Variants in PRPF18 observed in about 807,000 individuals in gnomAD.
The protein encoded by PRPF18 is pre-mRNA-splicing factor 18.
Under a neutral mutation model 46.5 loss-of-function variants are expected in PRPF18, and 38 were observed. That is an observed-to-expected ratio of 0.82 (90% CI 0.63 to 1.07). The LOEUF is 1.07. PRPF18 is among the 50% of genes least tolerant of loss of function. The pLI, the probability that PRPF18 is intolerant of heterozygous loss-of-function variation, is 0.00. For missense variants in PRPF18, 263 were observed against 410.0 expected, an observed-to-expected ratio of 0.64 and a Z score of 3.10; for synonymous variants, 152 against 146.7, an observed-to-expected ratio of 1.04 and a Z score of -0.26.
chr10:13,591,928 GT>G (rs79929794), intron 1 of PRPF18: 141,822 of 925,148 alleles, frequency 0.15, 48 homozygotes, highest in South Asian at 0.21. Flanking sequence ...TCAACTGAGG[GT>G]TTTTTTTTTT....
chr10:13,646,337 A>ATCTT, the PRPF18 span: 1 of 152,546 alleles, frequency 6.6e-6, no homozygotes, highest in Non-Finnish European at 1.5e-5. Flanking sequence ...TTTATTTTTA[A>ATCTT]TCTTTGGCAG....
intron 6 of PRPF18, among the ~76,000 whole-genome samples, chr10:13,612,199 T>A (rs1252042491): frequency 6.6e-6 from 1 of 152,074 alleles, no homozygotes; most frequent in Non-Finnish European, 1.5e-5. Context: ...TGTGGCATAT[T>A]TTTTAAAGCT....
the PRPF18 span, chr10:13,642,852 C>T: frequency 1.3e-5 from 2 of 152,186 alleles, no homozygotes; most frequent in African/African-American, 4.8e-5. Flanking sequence ...TTGATGGGCT[C>T]ACTTCCAGAT....
chr10:13,628,644 A>T (rs2080546614), intron 9 of PRPF18, among the ~76,000 whole-genome samples: 1 of 152,014 alleles, frequency 6.6e-6, no homozygotes, highest in Non-Finnish European at 1.5e-5. Context: ...GACTGTGATT[A>T]ATATTTGTGT....
intron 4 of PRPF18, among the ~76,000 whole-genome samples, chr10:13,608,720 T>C (rs1589127643): frequency 6.6e-6 from 1 of 152,246 alleles, no homozygotes; most frequent in South Asian, 2.1e-4. Flanking sequence ...ATTAGAGTTA[T>C]GTGCATATTT....
At chr10:13,598,862 T>C (rs1003961042) in intron 2 of PRPF18, among the ~76,000 whole-genome samples, 2 of 152,190 alleles carry the variant, frequency 1.3e-5, no homozygotes, top group Non-Finnish European at 1.5e-5. Context: ...CCTTTTCAAC[T>C]ATTTGATAAG....
intron 9 of PRPF18, among the ~76,000 whole-genome samples, chr10:13,628,530 ATATT>A (rs1255205420): frequency 6.6e-6 from 1 of 152,092 alleles, no homozygotes; most frequent in Non-Finnish European, 1.5e-5. Flanking sequence ...TTATTATATG[ATATT>A]TATTTGTATT....
the PRPF18 span, chr10:13,654,484 C>G: frequency 6.2e-6 from 10 of 1,613,716 alleles, no homozygotes; most frequent in Non-Finnish European, 8.5e-6. Flanking sequence ...TTGACGGTGT[C>G]GAGCTTCTCT....
At chr10:13,596,036 G>T (rs117884960) in intron 1 of PRPF18, among the ~76,000 whole-genome samples, 8 of 152,110 alleles carry the variant, frequency 5.3e-5, no homozygotes, top group Non-Finnish European at 1.2e-4. Flanking sequence ...ATTAAAATAT[G>T]TACATACATT....
intron 4 of PRPF18, among the ~76,000 whole-genome samples, 154 bp downstream of exon 4, chr10:13,605,898 C>T (rs2080177060): frequency 1.3e-5 from 2 of 152,124 alleles, no homozygotes; most frequent in African/African-American, 2.4e-5. Flanking sequence ...TTGAAAAGCT[C>T]ATATCTTAAG....
At position 13,630,387 on chromosome 10, in the gene PRPF18, G is replaced by C. The variant is rs772577554; in HGVS notation, c.*47G>C. On this transcript the variant is annotated 3_prime_UTR_variant, in exon 10 of 10. Coordinates refer to ENST00000378572, the MANE Select transcript of PRPF18 (RefSeq NM_003675.4). ...TAACAATAAGAAACTTAGGGAAGCA[G>C]GCTGTGGACTTCTGGAATTACCAAC... is the stretch of plus-strand genomic sequence containing the variant. The C allele has an allele frequency of 7.2e-5, 105 of 1,461,596 alleles. 1 individual carries two copies. The Admixed American group carries it at 1.8e-3, about 25-fold the overall frequency. The allele number at this position is 1,461,596 out of a possible 1,614,324, so 90.5% of individuals were successfully genotyped here.
chr10:13,611,739 A>G (rs2080271863), intron 6 of PRPF18, 56 bp downstream of exon 6: 3 of 1,491,830 alleles, frequency 2.0e-6, no homozygotes, highest in African/African-American at 1.4e-5. Context: ...AACTATTCTT[A>G]TATTTTTGGA....
the PRPF18 span, chr10:13,645,928 A>G: frequency 6.6e-6 from 1 of 152,660 alleles, no homozygotes; most frequent in Non-Finnish European, 1.5e-5. Flanking sequence ...GGTTGGTTTA[A>G]TGAGAGAGAA....
chr10:13,629,776 ATT>A (rs2080567804), intron 9 of PRPF18, among the ~76,000 whole-genome samples: 1 of 152,160 alleles, frequency 6.6e-6, no homozygotes. Flanking sequence ...ATTGGAGTGT[ATT>A]TTCTCAGTCC....
rs751734381 is a variant in PRPF18, at chr10:13,616,433, T to C, written c.828T>C (p.Asn276=). ...CTTATCTTCAGATGGCCATTGGAAA[T>C]GCGCCTTGGCCCATCGGTGTCACTA... is the stretch of plus-strand genomic sequence containing the variant. The part of the protein sequence containing the change: ...NDAYLQMAIG[N]APWPIGVTMV... The change falls in exon 9 of 10, where the codon AAT becomes AAC. Residue 276 remains asparagine (N), a synonymous_variant. Coordinates refer to ENST00000378572, the MANE Select transcript of PRPF18 (RefSeq NM_003675.4). 3.7e-6 allele frequency: 6 copies of C among 1,612,096 alleles called. No homozygotes were observed. Among genetic ancestry groups the C allele is most frequent in the Non-Finnish European group, 5.1e-6 (6 of 1,178,892 alleles).
intron 9 of PRPF18, 115 bp from the exon 10 acceptor site, chr10:13,630,145 T>C: frequency 1.2e-6 from 1 of 818,012 alleles, no homozygotes; most frequent in Non-Finnish European, 2.0e-6. Context: ...GTGAATTTGC[T>C]TGGGTCTGCT....
chr10:13,641,579 G>A, the PRPF18 span: 1 of 152,252 alleles, frequency 6.6e-6, no homozygotes, highest in African/African-American at 2.4e-5. Flanking sequence ...GGACACCAAT[G>A]CCAAGAAGCC....
chr10:13,594,301 C>T (rs11258459), intron 1 of PRPF18, among the ~76,000 whole-genome samples: 29,450 of 152,202 alleles, frequency 0.19, 3,568 homozygotes, highest in East Asian at 0.51. Flanking sequence ...CTATTTCTCT[C>T]TCCAGTCTGT....
rs2080580764 is a variant in PRPF18, at chr10:13,630,540, G to C, written c.*200G>C. The C allele has an allele frequency of 5.4e-6, 2 of 370,902 alleles. No individual in the cohort carries two copies. Among genetic ancestry groups the C allele is most frequent in the African/African-American group, 4.2e-5 (2 of 47,718 alleles). The allele number at this position is 370,902 out of a possible 1,614,324, so 23.0% of individuals were successfully genotyped here. A position where few individuals can be genotyped will look rare whatever the true frequency, so the allele number is the denominator to read the frequency against. On this transcript the variant is annotated 3_prime_UTR_variant, in exon 10 of 10. Coordinates refer to ENST00000378572, the MANE Select transcript of PRPF18 (RefSeq NM_003675.4). ...GACTGCAAGCTGATTTTTCTTTCTT[G>C]CTTTCATTTTAATTAGTCCAAAATT... is the stretch of plus-strand genomic sequence containing the variant.
Sources: allele counts gnomAD v4.1 joint callset (sites outside exome capture counted in the v4.1 genomes callset), GRCh38; gene constraint gnomAD v4.1.1; transcripts MANE v1.5; gene names NCBI Gene and HGNC (gene_info 2026-07-23, HGNC 2026-07-21).